The following VPS33A variants were observed in gnomAD, a reference collection of about 807,000 sequenced individuals.
VPS33A encodes VPS33A core subunit of CORVET and HOPS complexes.
VPS33A carries 32 observed loss-of-function variants against 71.8 expected under a neutral mutation model. That is an observed-to-expected ratio of 0.45 (90% confidence interval 0.34 to 0.60). The LOEUF is 0.60. Among genes scored for constraint, VPS33A ranks in the 20% least tolerant of loss-of-function variants. VPS33A has a pLI of 0.02. For missense variants in VPS33A, 625 were observed against 748.5 expected, an observed-to-expected ratio of 0.84 and a Z score of 1.92; for synonymous variants, 311 against 292.7, an observed-to-expected ratio of 1.06 and a Z score of -0.64.
intron 3 of VPS33A, 43 bp from the exon 4 acceptor site, chr12:122,261,490 G>C: frequency 2.5e-6 from 4 of 1,593,562 alleles, no homozygotes; most frequent in Non-Finnish European, 3.4e-6. Flanking sequence ...GCTCCTAAGA[G>C]TCATGGACCA....
chr12:122,246,794 G>A (rs1954783246), intron 6 of VPS33A, among the ~76,000 whole-genome samples: 2 of 151,988 alleles, frequency 1.3e-5, no homozygotes, highest in African/African-American at 4.8e-5. Context: ...TAGAAATGGG[G>A]TTTCACTATG....
chr12:122,233,515 C>T (rs577904470), intron 11 of VPS33A, among the ~76,000 whole-genome samples: 3 of 152,286 alleles, frequency 2.0e-5, no homozygotes, highest in South Asian at 2.1e-4. Flanking sequence ...CCTGAGCCAC[C>T]GCGTCCAGCC....
rs773934741 is a variant in VPS33A at position 122,266,281 on chromosome 12, C to T, written c.102+26G>A. 8 of 1,603,362 alleles carry T rather than the reference C, an allele frequency of 5.0e-6. No homozygotes were observed. The East Asian group carries it at 6.7e-5, about 13-fold the overall frequency. ...CAGGCCGGACCAGGGGAGGCGAGGGCGGTGTCGCTGCCTCCCGCCCCTCAC... is the reference window on the plus strand; with the variant it reads ...CAGGCCGGACCAGGGGAGGCGAGGGTGGTGTCGCTGCCTCCCGCCCCTCAC... On this transcript the variant is annotated intron_variant, in intron 1 of 12. Coordinates refer to ENST00000267199, the MANE Select transcript of VPS33A (RefSeq NM_022916.6).
chr12:122,252,356 C>T (rs377319558), intron 4 of VPS33A, among the ~76,000 whole-genome samples: 1 of 152,006 alleles, frequency 6.6e-6, no homozygotes, highest in Non-Finnish European at 1.5e-5. Context: ...GCAAGCTCCA[C>T]CTACTGGGTT....
At position 122,232,439 on chromosome 12, in the gene VPS33A, A is replaced by C; in HGVS notation, c.1610-12T>G. On this transcript the variant is annotated splice_polypyrimidine_tract_variant and intron_variant, in intron 12 of 12. Coordinates refer to ENST00000267199, the MANE Select transcript of VPS33A (RefSeq NM_022916.6). ...TTCTCCCGGTTGACCTAAAATTTAA[A>C]CATTTCAGAATTAAAAACTATTTAT... 2.5e-6 allele frequency: 4 copies of C among 1,606,404 alleles called. No homozygotes were observed. The highest frequency in any genetic ancestry group is 3.4e-6 in the Non-Finnish European group (4 of 1,176,984).
At position 122,232,420 on chromosome 12, in the gene VPS33A, C is replaced by CGATTGACCTAAAA; in HGVS notation, c.1616_1617insTTTTAGGTCAATC (p.Gly540PhefsTer22). Reference sequence around the variant, plus strand: ...ATATCAGAGTCACTCGGTTTTCTCCCGGTTGACCTAAAATTTAAACATTTC... The same window carrying CGATTGACCTAAAA: ...ATATCAGAGTCACTCGGTTTTCTCCCGATTGACCTAAAAGGTTGACCTAAAATTTAAACATTTC... On this transcript the variant is annotated frameshift_variant, in exon 13 of 13. Coordinates refer to ENST00000267199, the MANE Select transcript of VPS33A (RefSeq NM_022916.6). LOFTEE classifies it high-confidence loss of function. The CGATTGACCTAAAA allele has an allele frequency of 1.2e-6, 2 of 1,610,298 alleles. No homozygotes were observed.
chr12:122,260,680 T>C (rs930804440), intron 4 of VPS33A, among the ~76,000 whole-genome samples: 1 of 152,154 alleles, frequency 6.6e-6, no homozygotes, highest in Non-Finnish European at 1.5e-5. Flanking sequence ...GTCTACATGA[T>C]AAAAGACATT....
chr12:122,265,830 C>T (rs1483579488), intron 1 of VPS33A: 5 of 402,452 alleles, frequency 1.2e-5, no homozygotes, highest in East Asian at 7.3e-5. Context: ...AGAAGTTATA[C>T]TGTTTTAGGA....
intron 1 of VPS33A, chr12:122,265,873 C>T (rs1169562749): frequency 5.4e-6 from 2 of 368,058 alleles, no homozygotes; most frequent in African/African-American, 4.2e-5. Flanking sequence ...ATTACAACTT[C>T]TCTCATAACA....
At chr12:122,253,818 C>T (rs940826500) in intron 4 of VPS33A, among the ~76,000 whole-genome samples, 1 of 151,990 alleles carries the variant, frequency 6.6e-6, no homozygotes, top group Non-Finnish European at 1.5e-5. Context: ...CTGCCTCAGC[C>T]TCCTGAGTAG....
rs1954563420 is a variant in VPS33A, at chr12:122,231,756, C to T, written c.*490G>A. 4.9e-6 allele frequency: 1 copy of T among 202,098 alleles called. No individual in the cohort carries two copies. The highest frequency in any genetic ancestry group is 6.0e-5 in the Admixed American group (1 of 16,738). The allele number at this position is 202,098 out of a possible 1,614,324, so 12.5% of individuals were successfully genotyped here. A position where few individuals can be genotyped will look rare whatever the true frequency, so the allele number is the denominator to read the frequency against. ...CTCAGGTTGATTTTCTTCTATTCTT[C>T]TTTCTTCAGCAGATTAGGGGCCAGG... is the stretch of plus-strand genomic sequence containing the variant. On this transcript the variant is annotated 3_prime_UTR_variant, in exon 13 of 13. Transcript: ENST00000267199.
intron 11 of VPS33A, among the ~76,000 whole-genome samples, chr12:122,235,208 T>C (rs1277389883): frequency 6.6e-6 from 1 of 151,490 alleles, no homozygotes; most frequent in Non-Finnish European, 1.5e-5. Flanking sequence ...GATCTGACCC[T>C]TCAGCCTCCC....
In VPS33A at chr12:122,251,065, T is replaced by C. The variant is rs746490454; in HGVS notation, c.518A>G (p.Tyr173Cys). The change falls in exon 5 of 13, where the codon TAC becomes TGC. Residue 173 changes from tyrosine to cysteine, a missense_variant. Tyr to Cys is a radical substitution (Grantham distance 194). Transcript: ENST00000267199. ...GGTCATCAGCCCCTTGGCTGCGTGGTACAGGCTCGTCTGGTCACCCTCCAG... is the reference window on the plus strand; with the variant it reads ...GGTCATCAGCCCCTTGGCTGCGTGGCACAGGCTCGTCTGGTCACCCTCCAG... ...CYLEGDQTSL[Y>C]HAAKGLMTLQ... 6 of 1,614,086 alleles carry C rather than the reference T, an allele frequency of 3.7e-6. No individual in the cohort carries two copies. The highest frequency in any genetic ancestry group is 2.2e-5 in the South Asian group (2 of 91,072).
intron 3 of VPS33A, 115 bp from the exon 4 acceptor site, chr12:122,261,562 TAA>T: frequency 1.1e-6 from 1 of 941,876 alleles, no homozygotes; most frequent in Non-Finnish European, 1.6e-6. Context: ...GCTGGCTAGA[TAA>T]ATCATATAAA....
chr12:122,246,717 A>G (rs534932582), intron 6 of VPS33A, among the ~76,000 whole-genome samples: 24 of 152,168 alleles, frequency 1.6e-4, no homozygotes, highest in African/African-American at 5.8e-4. Context: ...CTCCTGCCTC[A>G]GCCTCCCAAG....
chr12:122,232,957 G>A lies in VPS33A; in HGVS notation c.1452C>T (p.Asp484=), dbSNP rs751141786. 2 of 1,600,710 alleles carry A rather than the reference G, an allele frequency of 1.2e-6. No homozygotes were observed. Among genetic ancestry groups the A allele is most frequent in the Non-Finnish European group, 1.7e-6 (2 of 1,171,992 alleles). The part of the protein sequence containing the change: ...MDDVNEQNPT[D]ISYVYSGYAP... ...CATACCCACTGTACACATACGATAT[G>A]TCCGTGGGGTTCTGTGAGATAATTA... Residue 484 remains aspartate, a synonymous_variant, in exon 12 of 13, where the codon GAC becomes GAT. Coordinates refer to ENST00000267199, the MANE Select transcript of VPS33A (RefSeq NM_022916.6).
chr12:122,258,588 C>G (rs1288157030), intron 4 of VPS33A, among the ~76,000 whole-genome samples: 3 of 152,046 alleles, frequency 2.0e-5, no homozygotes, highest in East Asian at 3.9e-4. Flanking sequence ...CAAAGGCCAA[C>G]AGGCACAAGA....
chr12:122,261,877 C>G (rs1453367291), intron 3 of VPS33A, among the ~76,000 whole-genome samples: 1 of 152,144 alleles, frequency 6.6e-6, no homozygotes, highest in Non-Finnish European at 1.5e-5. Context: ...TGGCAGGCAC[C>G]TGTAATCCCA....
At chr12:122,249,836 T>C (rs1325203060) in intron 6 of VPS33A, 35 bp downstream of exon 6, 2 of 1,573,630 alleles carry the variant, frequency 1.3e-6, no homozygotes, top group African/African-American at 1.4e-5. Context: ...TCTTCTCATA[T>C]TACCTATTAG....
Sources: allele counts gnomAD v4.1 joint callset (sites outside exome capture counted in the v4.1 genomes callset), GRCh38; gene constraint gnomAD v4.1.1; transcripts MANE v1.5; gene names NCBI Gene and HGNC (gene_info 2026-07-23, HGNC 2026-07-21).